PRKG1: variants seen among roughly 807,000 people sequenced by gnomAD.
PRKG1 encodes protein kinase cGMP-dependent 1.
Under a neutral mutation model 88.1 loss-of-function variants are expected in PRKG1, and 35 were observed. The observed-to-expected ratio is 0.40, with a 90% CI of 0.30 to 0.53. The LOEUF (loss-of-function observed/expected upper bound fraction) is 0.53. PRKG1 is among the 20% of genes least tolerant of loss of function. The pLI is 0.59. For synonymous variants in PRKG1, 303 were observed against 292.5 expected (o/e 1.04, Z -0.37); for missense variants, 540 against 839.8 (o/e 0.64, Z 4.41).
At chr10:51,261,084 G>T (rs1217861857) in intron 2 of PRKG1, among the ~76,000 whole-genome samples, 1 of 152,124 alleles carries the variant, frequency 6.6e-6, no homozygotes, top group Non-Finnish European at 1.5e-5. Flanking sequence ...AAGATATAAA[G>T]TATATTCTTT....
At chr10:52,045,980 A>T (rs1244777842) in intron 5 of PRKG1, among the ~76,000 whole-genome samples, 1 of 152,050 alleles carries the variant, frequency 6.6e-6, no homozygotes, top group African/African-American at 2.4e-5. Context: ...ATGCATGCTG[A>T]TGTTTGCTGA....
chr10:52,048,575 CAAAT>C (rs551520050), intron 5 of PRKG1, among the ~76,000 whole-genome samples: 110 of 152,212 alleles, frequency 7.2e-4, no homozygotes, highest in African/African-American at 2.4e-3. Flanking sequence ...CACGTGTCAT[CAAAT>C]AAATATGTGT....
At chr10:52,251,705 C>A in intron 10 of PRKG1, 39 bp downstream of exon 10, 1 of 1,503,278 alleles carries the variant, frequency 6.7e-7, no homozygotes, top group Non-Finnish European at 9.2e-7. Flanking sequence ...ATCGCCTCTG[C>A]TTCCTTTTTA....
At chr10:51,509,238 CTG>C (rs947687872) in intron 3 of PRKG1, among the ~76,000 whole-genome samples, 4 of 152,032 alleles carry the variant, frequency 2.6e-5, no homozygotes, top group African/African-American at 9.7e-5. Flanking sequence ...ATATGTATGC[CTG>C]TATATTAGGC....
chr10:51,549,120 CTTTTTTTTTT>C (rs56045527), intron 3 of PRKG1, among the ~76,000 whole-genome samples: 11 of 70,334 alleles, frequency 1.6e-4, no homozygotes, highest in African/African-American at 6.2e-4. Context: ...CTTTTCTTTT[CTTTTTTTTTT>C]TTTTTTTTTT....
intron 8 of PRKG1, among the ~76,000 whole-genome samples, chr10:52,139,822 A>AGTT (rs1159960882): frequency 1.3e-5 from 2 of 151,770 alleles, no homozygotes; most frequent in East Asian, 3.9e-4. Flanking sequence ...TCCAGGCATG[A>AGTT]CTCTATTATA....
At chr10:51,794,417 G>A (rs908733907) in intron 3 of PRKG1, among the ~76,000 whole-genome samples, 6 of 152,136 alleles carry the variant, frequency 3.9e-5, no homozygotes, top group South Asian at 2.1e-4. Context: ...TCAACTACAC[G>A]TGGAACTCTC....
chr10:50,991,587 C>T lies in PRKG1; in HGVS notation c.209C>T (p.Thr70Met), dbSNP rs568266579. The change falls in exon 1 of 18, where the codon ACG becomes ATG. Residue 70 changes from threonine (T) to methionine (M), a missense_variant. Transcript: ENST00000401604. This position sits in a 1 kb window ranked among gnomAD's most constrained non-coding sequence, Gnocchi z 4.5. ...CAGGGCATCTCGGCCGAGCCGCAGACGTACAGGTCCTTCCACGACCTCCGA... is the reference window on the plus strand; with the variant it reads ...CAGGGCATCTCGGCCGAGCCGCAGATGTACAGGTCCTTCCACGACCTCCGA... 9 of 1,595,172 alleles carry T rather than the reference C, an allele frequency of 5.6e-6. No individual in the cohort carries two copies. Among genetic ancestry groups the T allele is most frequent in the Non-Finnish European group, 7.7e-6 (9 of 1,172,096 alleles).
chr10:51,844,270 C>G (rs919223868), intron 4 of PRKG1, among the ~76,000 whole-genome samples: 1 of 151,966 alleles, frequency 6.6e-6, no homozygotes, highest in Non-Finnish European at 1.5e-5. Flanking sequence ...TTTAAGGTAA[C>G]TTCTAATTAC....
At chr10:51,520,416 A>G in intron 3 of PRKG1, among the ~76,000 whole-genome samples, 1 of 151,426 alleles carries the variant, frequency 6.6e-6, no homozygotes, top group Admixed American at 6.6e-5. Context: ...TATAAAGTAT[A>G]AATTAATCTC....
At chr10:51,983,095 G>A (rs1326368240) in intron 5 of PRKG1, among the ~76,000 whole-genome samples, 1 of 152,172 alleles carries the variant, frequency 6.6e-6, no homozygotes, top group Non-Finnish European at 1.5e-5. Context: ...CAGGGAGGGG[G>A]TTGGTCGGCT....
At chr10:51,475,689 T>C (rs1415205819) in intron 3 of PRKG1, among the ~76,000 whole-genome samples, 2 of 151,968 alleles carry the variant, frequency 1.3e-5, no homozygotes, top group African/African-American at 4.8e-5. Context: ...TACATATTAT[T>C]AATATATTCT....
intron 3 of PRKG1, among the ~76,000 whole-genome samples, chr10:51,802,881 A>G (rs144940706): frequency 1.1e-3 from 172 of 152,252 alleles, no homozygotes; most frequent in African/African-American, 3.7e-3. Flanking sequence ...GTGCATGTGC[A>G]TGCACTACCC....
At chr10:51,313,628 G>A (rs1164618164) in intron 2 of PRKG1, among the ~76,000 whole-genome samples, 2 of 152,190 alleles carry the variant, frequency 1.3e-5, no homozygotes, top group African/African-American at 4.8e-5. Flanking sequence ...GACTTTTGTA[G>A]TATGTAGCCC....
chr10:51,853,399 T>C (rs16924136), intron 4 of PRKG1, among the ~76,000 whole-genome samples: 6,577 of 152,230 alleles, frequency 0.043, 511 homozygotes, highest in African/African-American at 0.15. Context: ...GTGGTTAGAC[T>C]GCAGGAATAT....
rs571958902 is a variant in PRKG1, at chr10:51,648,300, T to A, written c.593-156285T>A. Among the ~76,000 whole-genome samples the A allele has an allele frequency of 1.2e-3, 184 of 152,270 alleles. 1 individual carries two copies. The highest frequency in any genetic ancestry group is 4.1e-3 in the African/African-American group (172 of 41,574). On this transcript the variant is annotated intron_variant, in intron 3 of 17. Coordinates refer to ENST00000373980, the MANE Select transcript of PRKG1 (RefSeq NM_006258.4). ...ATCTCCACCGCTATCCAAAGTAAAC[T>A]TCAAAGAAAATCATGAATTTTTAAT...
At chr10:51,942,659 C>G (rs1483630032) in intron 5 of PRKG1, among the ~76,000 whole-genome samples, 24 of 148,490 alleles carry the variant, frequency 1.6e-4, no homozygotes, top group African/African-American at 5.1e-4. Flanking sequence ...CCAGTTTCAG[C>G]TTTCTACATA....
chr10:52,233,742 C>T (rs1460700317), intron 9 of PRKG1, among the ~76,000 whole-genome samples: 4 of 148,306 alleles, frequency 2.7e-5, no homozygotes, highest in Non-Finnish European at 6.0e-5. Flanking sequence ...GGGGGAGGGG[C>T]GCCCGCCATT....
At chr10:51,727,917 A>C (rs1376247894) in intron 3 of PRKG1, among the ~76,000 whole-genome samples, 1 of 152,192 alleles carries the variant, frequency 6.6e-6, no homozygotes, top group Non-Finnish European at 1.5e-5. Flanking sequence ...CCAAGAGATA[A>C]ATACTTCTGT....
Sources: gnomAD v4.1 joint callset for allele counts (sites outside exome capture counted in the v4.1 genomes callset) on GRCh38, gnomAD v4.1.1 for gene constraint, Gnocchi (gnomAD v3.1) non-coding constraint, MANE v1.5 for transcripts, NCBI Gene and HGNC (gene_info 2026-07-23, HGNC 2026-07-21) for gene names.